The following LRRC4C variants were observed in gnomAD, a reference collection of about 807,000 sequenced individuals.
LRRC4C encodes leucine rich repeat containing 4C.
LRRC4C carries 5 observed loss-of-function variants against 33.6 expected under a neutral mutation model. The observed-to-expected ratio is 0.15, with a 90% confidence interval of 0.08 to 0.31. The LOEUF (loss-of-function observed/expected upper bound fraction) is 0.31, where lower values mean the gene tolerates loss of function less well. LRRC4C is among the 10% of genes least tolerant of loss of function. LRRC4C has a pLI of 1.00. For synonymous variants in LRRC4C, 329 were observed against 302.0 expected (o/e 1.09, Z -0.93); for missense variants, 560 against 796.7 (o/e 0.70, Z 3.58).
At chr11:40,823,785 T>C (rs1428617382) in intron 2 of LRRC4C, among the ~76,000 whole-genome samples, 2 of 151,794 alleles carry the variant, frequency 1.3e-5, no homozygotes, top group South Asian at 4.1e-4. Flanking sequence ...GCAGTTATAG[T>C]GTTAAACATA....
At chr11:40,750,943 T>C (rs1386949940) in intron 2 of LRRC4C, among the ~76,000 whole-genome samples, 1 of 152,116 alleles carries the variant, frequency 6.6e-6, no homozygotes, top group Admixed American at 6.6e-5. Context: ...ATTTACATCA[T>C]GGTTTGTAAA....
At chr11:41,428,456 G>A (rs1227250835) in intron 1 of LRRC4C, among the ~76,000 whole-genome samples, 1 of 152,056 alleles carries the variant, frequency 6.6e-6, no homozygotes, top group Non-Finnish European at 1.5e-5. Flanking sequence ...TTTTTGTCAT[G>A]TAAGTTTCAA....
intron 1 of LRRC4C, among the ~76,000 whole-genome samples, chr11:41,299,186 T>C (rs935409819): frequency 3.9e-5 from 6 of 152,142 alleles, no homozygotes; most frequent in Admixed American, 2.6e-4. Context: ...TTTATTTTTA[T>C]TTACTTGAGA....
At chr11:40,963,877 T>C (rs1851140479) in intron 1 of LRRC4C, among the ~76,000 whole-genome samples, 1 of 151,810 alleles carries the variant, frequency 6.6e-6, no homozygotes, top group Non-Finnish European at 1.5e-5. Context: ...TTGCTGGCAA[T>C]GTCTTCTTAG....
intron 5 of LRRC4C, among the ~76,000 whole-genome samples, chr11:40,212,272 T>C (rs1008789014): frequency 4.6e-5 from 7 of 152,264 alleles, no homozygotes; most frequent in African/African-American, 1.7e-4. Flanking sequence ...AGGACATCTG[T>C]TAATTTTCAT....
chr11:40,450,503 T>C (rs912409380), intron 3 of LRRC4C, among the ~76,000 whole-genome samples: 24 of 152,064 alleles, frequency 1.6e-4, no homozygotes, highest in Non-Finnish European at 2.9e-5. Context: ...TGACCTTAAA[T>C]GATTAGCCTA....
At chr11:40,898,182 C>G (rs1188409838) in intron 2 of LRRC4C, among the ~76,000 whole-genome samples, 1 of 151,174 alleles carries the variant, frequency 6.6e-6, no homozygotes, top group East Asian at 1.9e-4. Context: ...TGGAGAAACC[C>G]CATCTCTACT....
chr11:41,451,081 G>A (rs1405049136), intron 1 of LRRC4C, among the ~76,000 whole-genome samples: 1 of 152,058 alleles, frequency 6.6e-6, no homozygotes, highest in Non-Finnish European at 1.5e-5. Flanking sequence ...GGGAAAAATC[G>A]GATTGTTTAC....
chr11:41,176,375 C>G (rs190779937), intron 1 of LRRC4C, among the ~76,000 whole-genome samples: 1 of 152,180 alleles, frequency 6.6e-6, no homozygotes, highest in Non-Finnish European at 1.5e-5. Context: ...AGTGATTAAA[C>G]AGATTCCTTT....
chr11:40,746,991 G>A (rs1378091762), intron 2 of LRRC4C, among the ~76,000 whole-genome samples: 3 of 152,130 alleles, frequency 2.0e-5, no homozygotes, highest in Non-Finnish European at 4.4e-5. Context: ...CTTTAGCCTG[G>A]CCATTGTGGC....
chr11:40,566,054 C>T lies in LRRC4C; in HGVS notation c.-270+82088G>A, dbSNP rs187131629. 4.2e-3 allele frequency among the ~76,000 whole-genome samples: 547 copies of T among 130,848 alleles called. 10 individuals carry two copies. The highest frequency in any genetic ancestry group is 9.8e-3 in the Admixed American group (130 of 13,268). The allele number at this position is 130,848 out of a possible 152,430, so 85.8% of individuals were successfully genotyped here. A position where few individuals can be genotyped will look rare whatever the true frequency, so the allele number is the denominator to read the frequency against. ...TATATGTTCTGTATGTTTTGTTATTCGTAAATTAACTGCCTTTTCTATTTT... is the reference window on the plus strand; with the variant it reads ...TATATGTTCTGTATGTTTTGTTATTTGTAAATTAACTGCCTTTTCTATTTT... On this transcript the variant is annotated intron_variant, in intron 3 of 6. Coordinates refer to ENST00000528697, the MANE Select transcript of LRRC4C (RefSeq NM_001258419.2).
intron 1 of LRRC4C, among the ~76,000 whole-genome samples, chr11:41,324,805 T>C (rs987266667): frequency 7.2e-5 from 11 of 152,220 alleles, no homozygotes; most frequent in Non-Finnish European, 1.2e-4. Context: ...TGTGTACACC[T>C]ATGAATGCAT....
At chr11:41,068,386 G>A (rs1263473096) in intron 1 of LRRC4C, among the ~76,000 whole-genome samples, 2 of 151,534 alleles carry the variant, frequency 1.3e-5, no homozygotes, top group African/African-American at 2.4e-5. Context: ...GTGGGACTCC[G>A]TCCCCTCCCC....
chr11:41,146,538 T>C (rs1943735189), intron 1 of LRRC4C, among the ~76,000 whole-genome samples: 1 of 152,204 alleles, frequency 6.6e-6, no homozygotes, highest in Non-Finnish European at 1.5e-5. Flanking sequence ...AAAAGTAGGA[T>C]GCAGTTAATA....
At chr11:40,798,649 T>C (rs1448163386) in intron 2 of LRRC4C, among the ~76,000 whole-genome samples, 1 of 150,496 alleles carries the variant, frequency 6.6e-6, no homozygotes, top group South Asian at 2.1e-4. Flanking sequence ...TTCTTTCTTT[T>C]TTTTTTTTTT....
chr11:40,846,539 A>T (rs1953182985), intron 2 of LRRC4C, among the ~76,000 whole-genome samples: 1 of 151,990 alleles, frequency 6.6e-6, no homozygotes, highest in Non-Finnish European at 1.5e-5. Context: ...TGGTCTATAT[A>T]TCTGTTGTGG....
intron 4 of LRRC4C, among the ~76,000 whole-genome samples, chr11:40,280,872 C>A (rs972358014): frequency 5.3e-5 from 8 of 152,136 alleles, no homozygotes; most frequent in South Asian, 2.1e-4. Flanking sequence ...CGTAAACAGA[C>A]GGGGGAAAAC....
chr11:41,058,449 G>A (rs1485949745), intron 1 of LRRC4C, among the ~76,000 whole-genome samples: 1 of 152,238 alleles, frequency 6.6e-6, no homozygotes, highest in East Asian at 1.9e-4. Flanking sequence ...CCCTTGGCAG[G>A]CATGGGACCC....
chr11:40,795,542 TAAATA>T (rs753480563), intron 2 of LRRC4C, among the ~76,000 whole-genome samples: 32 of 151,548 alleles, frequency 2.1e-4, no homozygotes, highest in Admixed American at 1.1e-3. Flanking sequence ...AATAAATAAA[TAAATA>T]AAATAAAATA....
Sources: gnomAD v4.1 joint callset for allele counts (sites outside exome capture counted in the v4.1 genomes callset) on GRCh38, gnomAD v4.1.1 for gene constraint, MANE v1.5 for transcripts, NCBI Gene and HGNC (gene_info 2026-07-23, HGNC 2026-07-21) for gene names.